Variants in BMPER observed in about 807,000 individuals in gnomAD.
BMPER encodes the protein BMP-binding endothelial regulator protein.
A neutral mutation model predicts 87.3 loss-of-function variants in BMPER; 45 were observed. The ratio of observed to expected loss-of-function variants is 0.52; its 90% CI spans 0.41 to 0.66. The LOEUF is 0.66. Ranked by LOEUF, BMPER falls within the 30% of genes least tolerant of loss-of-function variation. BMPER has a pLI of 0.00. For synonymous variants in BMPER, 326 were observed against 316.2 expected, an observed-to-expected ratio of 1.03 and a Z score of -0.33; for missense variants, 784 against 867.5, an observed-to-expected ratio of 0.90 and a Z score of 1.21.
chr7:34,119,531 A>C (rs1229473204), intron 13 of BMPER, among the ~76,000 whole-genome samples: 2 of 152,218 alleles, frequency 1.3e-5, no homozygotes, highest in East Asian at 1.9e-4. Context: ...TGCTATGTGG[A>C]ACATCTTCAT....
chr7:34,025,722 C>T (rs1787341275), intron 6 of BMPER, among the ~76,000 whole-genome samples: 2 of 152,132 alleles, frequency 1.3e-5, no homozygotes, highest in South Asian at 4.2e-4. Flanking sequence ...ACTTAGTACT[C>T]ATTGCAGGTC....
chr7:34,076,257 C>T (rs1319425907), intron 11 of BMPER, among the ~76,000 whole-genome samples: 2 of 152,238 alleles, frequency 1.3e-5, no homozygotes, highest in Admixed American at 1.3e-4. Context: ...CTTGCTTTGT[C>T]ATGTAATTGG....
At chr7:34,054,930 T>C (rs1389378139) in intron 8 of BMPER, among the ~76,000 whole-genome samples, 1 of 152,078 alleles carries the variant, frequency 6.6e-6, no homozygotes, top group East Asian at 1.9e-4. Flanking sequence ...CATAAATCCT[T>C]GGGAGGTAGG....
At chr7:34,061,304 C>T (rs1203893062) in intron 10 of BMPER, among the ~76,000 whole-genome samples, 1 of 152,128 alleles carries the variant, frequency 6.6e-6, no homozygotes, top group Non-Finnish European at 1.5e-5. Context: ...GAATACGTCA[C>T]CTCCTTTAAA....
chr7:33,905,307 C>G (rs1009564236), upstream of BMPER, among the ~76,000 whole-genome samples: 1 of 151,698 alleles, frequency 6.6e-6, no homozygotes, highest in African/African-American at 2.4e-5. Flanking sequence ...TCCTGGCCCC[C>G]TCTCCGGCGC....
At chr7:34,052,359 A>C (rs572806094) in intron 8 of BMPER, among the ~76,000 whole-genome samples, 1 of 152,354 alleles carries the variant, frequency 6.6e-6, no homozygotes, top group South Asian at 2.1e-4. Flanking sequence ...ATGGATTTAC[A>C]GTTCATCACA....
intron 13 of BMPER, among the ~76,000 whole-genome samples, chr7:34,108,039 G>A (rs1275766529): frequency 1.3e-5 from 2 of 152,172 alleles, no homozygotes; most frequent in East Asian, 1.9e-4. Context: ...TGCCAGTGTT[G>A]AGTACAGGAA....
intron 11 of BMPER, among the ~76,000 whole-genome samples, chr7:34,067,069 G>A (rs1319975916): frequency 6.6e-6 from 1 of 152,102 alleles, no homozygotes; most frequent in African/African-American, 2.4e-5. Flanking sequence ...TGAATATGCC[G>A]AGCACAGATG....
At chr7:34,093,584 C>G (rs1368403682) in intron 13 of BMPER, among the ~76,000 whole-genome samples, 1 of 152,208 alleles carries the variant, frequency 6.6e-6, no homozygotes. Flanking sequence ...ACCAGACTCT[C>G]TTTGGGCAAG....
chr7:34,112,654 T>A (rs1396722071), intron 13 of BMPER, among the ~76,000 whole-genome samples: 1 of 152,090 alleles, frequency 6.6e-6, no homozygotes, highest in Non-Finnish European at 1.5e-5. Flanking sequence ...TTGTAGCATG[T>A]TTTTTCAGTC....
At chr7:34,104,149 C>A (rs1376547693) in intron 13 of BMPER, among the ~76,000 whole-genome samples, 2 of 152,222 alleles carry the variant, frequency 1.3e-5, no homozygotes, top group South Asian at 4.1e-4. Context: ...CCAGCCCAGG[C>A]TAAGGACTAT....
intron 3 of BMPER, among the ~76,000 whole-genome samples, chr7:33,960,029 T>C (rs916758573): frequency 6.6e-6 from 1 of 152,240 alleles, no homozygotes; most frequent in Non-Finnish European, 1.5e-5. Context: ...CTTTCTATCA[T>C]TTTTTCTATT....
intron 13 of BMPER, among the ~76,000 whole-genome samples, chr7:34,111,786 T>A (rs1420174923): frequency 6.6e-6 from 1 of 152,170 alleles, no homozygotes; most frequent in African/African-American, 2.4e-5. Flanking sequence ...CGATCTCGGC[T>A]CACTGCAACC....
intron 3 of BMPER, among the ~76,000 whole-genome samples, chr7:33,950,711 A>C (rs1323802004): frequency 6.6e-6 from 1 of 152,174 alleles, no homozygotes; most frequent in Non-Finnish European, 1.5e-5. Flanking sequence ...GTCACAGCCT[A>C]ATCACGGGAG....
chr7:33,955,379 C>T (rs1305966873), intron 3 of BMPER, among the ~76,000 whole-genome samples: 1 of 152,196 alleles, frequency 6.6e-6, no homozygotes, highest in South Asian at 2.1e-4. Context: ...GACGTCTCTT[C>T]TGCTGGCTGC....
At chr7:34,037,984 G>T (rs1303534519) in intron 6 of BMPER, among the ~76,000 whole-genome samples, 1 of 152,110 alleles carries the variant, frequency 6.6e-6, no homozygotes, top group Non-Finnish European at 1.5e-5. Flanking sequence ...GTCACATTAG[G>T]CCTGAAATAT....
At chr7:34,031,223 C>T (rs1431489071) in intron 6 of BMPER, among the ~76,000 whole-genome samples, 1 of 151,870 alleles carries the variant, frequency 6.6e-6, no homozygotes, top group Non-Finnish European at 1.5e-5. Flanking sequence ...ACTATAACTG[C>T]GGGGTTGCCT....
intron 11 of BMPER, among the ~76,000 whole-genome samples, chr7:34,072,263 T>C (rs980812637): frequency 6.6e-6 from 1 of 152,160 alleles, no homozygotes; most frequent in Admixed American, 6.5e-5. Flanking sequence ...GATTGCTAAG[T>C]GTACTAGTTA....
chr7:33,979,178 C>T (rs967707108), intron 6 of BMPER, among the ~76,000 whole-genome samples: 2 of 152,020 alleles, frequency 1.3e-5, no homozygotes, highest in African/African-American at 2.4e-5. Context: ...TATGCATACA[C>T]GCATATGCAT....
Sources: gnomAD v4.1 joint callset for allele counts (sites outside exome capture counted in the v4.1 genomes callset) on GRCh38, gnomAD v4.1.1 for gene constraint, MANE v1.5 for transcripts, NCBI Gene and HGNC (gene_info 2026-07-23, HGNC 2026-07-21) for gene names.